Variants in NXPE2 observed in about 807,000 individuals in gnomAD.
The protein encoded by NXPE2 is neurexophilin and PC-esterase domain family member 2, also known as NXPE family member 2.
A neutral mutation model predicts 34.4 loss-of-function variants in NXPE2; 34 were observed. The observed-to-expected ratio is 0.99, with a 90% CI of 0.75 to 1.31. The LOEUF is 1.31. NXPE2 is among the 40% of genes most tolerant of loss of function. The pLI, the probability that NXPE2 is intolerant of heterozygous loss-of-function variation, is 0.00. For synonymous variants in NXPE2, 235 were observed against 231.3 expected (o/e 1.02, Z -0.15); for missense variants, 649 against 672.5 (o/e 0.97, Z 0.39).
the NXPE2 span, among the ~76,000 whole-genome samples, chr11:114,503,556 A>G: frequency 2.0e-4 from 31 of 152,284 alleles, no homozygotes; most frequent in South Asian, 2.1e-4. Context: ...AAAAAAAACC[A>G]TGAATAGAAG....
At chr11:114,727,784 C>A in the NXPE2 span, among the ~76,000 whole-genome samples, 5,516 of 72,060 alleles carry the variant, frequency 0.077, 325 homozygotes, top group African/African-American at 0.22. Context: ...AACACACACA[C>A]ACACACACAC....
At chr11:114,696,944 A>G (rs936009599) in intron 2 of NXPE2, among the ~76,000 whole-genome samples, 1 of 152,232 alleles carries the variant, frequency 6.6e-6, no homozygotes, top group Non-Finnish European at 1.5e-5. Flanking sequence ...AGTTTAATTT[A>G]TAAATTAGGC....
At chr11:114,625,938 A>T in the NXPE2 span, among the ~76,000 whole-genome samples, 4 of 151,908 alleles carry the variant, frequency 2.6e-5, no homozygotes, top group African/African-American at 9.7e-5. Context: ...AAATCAGGTC[A>T]CTCCCACCCG....
At chr11:114,669,032 G>C in the NXPE2 span, among the ~76,000 whole-genome samples, 1 of 152,040 alleles carries the variant, frequency 6.6e-6, no homozygotes, top group Non-Finnish European at 1.5e-5. Flanking sequence ...CTTGCTGAAA[G>C]TGGAAGAGAC....
the NXPE2 span, among the ~76,000 whole-genome samples, chr11:114,465,104 T>A: frequency 6.6e-6 from 1 of 152,190 alleles, no homozygotes. Context: ...TTCAACTACT[T>A]CGGAGACTCA....
At chr11:114,760,790 A>T in the NXPE2 span, among the ~76,000 whole-genome samples, 356 of 152,166 alleles carry the variant, frequency 2.3e-3, 2 homozygotes, top group African/African-American at 8.2e-3. Context: ...ATTAATAACA[A>T]CTCTTCCCTG....
chr11:114,488,749 G>T, the NXPE2 span, among the ~76,000 whole-genome samples: 1 of 152,128 alleles, frequency 6.6e-6, no homozygotes, highest in Admixed American at 6.5e-5. Flanking sequence ...GCCCACAAGA[G>T]AAAGCAGGAA....
chr11:114,553,721 T>C, the NXPE2 span: 1 of 985,276 alleles, frequency 1.0e-6, no homozygotes, highest in Non-Finnish European at 1.2e-6. Flanking sequence ...GCTCTGCATA[T>C]CCCAGTGTCT....
the NXPE2 span, among the ~76,000 whole-genome samples, chr11:114,631,518 T>A: frequency 1.2e-3 from 123 of 102,464 alleles, 1 homozygote; most frequent in Admixed American, 0.014. Flanking sequence ...CTCTGGGGAC[T>A]GTTGTGGGGT....
chr11:114,527,867 T>C, the NXPE2 span: 1 of 1,608,346 alleles, frequency 6.2e-7, no homozygotes, highest in East Asian at 2.2e-5. Context: ...TCAATGTGTT[T>C]ACGATCCTTC....
At chr11:114,704,094 C>T (rs1470750964) in intron 4 of NXPE2, 42 bp downstream of exon 4, 1 of 1,388,540 alleles carries the variant, frequency 7.2e-7, no homozygotes, top group Non-Finnish European at 1.0e-6. Flanking sequence ...CACAATTTAT[C>T]CACGGAAAGG....
At chr11:114,725,266 T>C in the NXPE2 span, among the ~76,000 whole-genome samples, 2 of 152,148 alleles carry the variant, frequency 1.3e-5, no homozygotes, top group East Asian at 1.9e-4. Context: ...TTAACAAGTG[T>C]GTTGTAAGTT....
the NXPE2 span, among the ~76,000 whole-genome samples, chr11:114,602,479 T>C: frequency 3.1e-4 from 42 of 136,334 alleles, no homozygotes; most frequent in Non-Finnish European, 5.2e-4. Context: ...TTATAGATTA[T>C]ATATAACATA....
At chr11:114,745,620 C>A in the NXPE2 span, among the ~76,000 whole-genome samples, 1 of 152,000 alleles carries the variant, frequency 6.6e-6, no homozygotes, top group African/African-American at 2.4e-5. Context: ...TCCAGGTAAG[C>A]TATGTTTCTT....
At chr11:114,659,523 A>C in the NXPE2 span, among the ~76,000 whole-genome samples, 1 of 151,660 alleles carries the variant, frequency 6.6e-6, no homozygotes, top group African/African-American at 2.4e-5. Flanking sequence ...TAACAAAAAA[A>C]GTTTGGAAAA....
At chr11:114,662,688 T>C in the NXPE2 span, among the ~76,000 whole-genome samples, 1 of 152,008 alleles carries the variant, frequency 6.6e-6, no homozygotes, top group Non-Finnish European at 1.5e-5. Context: ...GACTTTGTCT[T>C]CCATTTAGGA....
the NXPE2 span, among the ~76,000 whole-genome samples, chr11:114,513,656 G>A: frequency 6.6e-6 from 1 of 152,034 alleles, no homozygotes; most frequent in African/African-American, 2.4e-5. Context: ...TACTTTAACC[G>A]CTTATTCCAT....
the NXPE2 span, chr11:114,530,459 G>A: frequency 1.2e-6 from 2 of 1,614,214 alleles, no homozygotes; most frequent in Non-Finnish European, 1.7e-6. Flanking sequence ...CACTGGGGTG[G>A]ATGAGCAGCA....
the NXPE2 span, among the ~76,000 whole-genome samples, chr11:114,554,820 G>T: frequency 6.6e-6 from 1 of 152,204 alleles, no homozygotes; most frequent in East Asian, 1.9e-4. Flanking sequence ...GAAAATAAAG[G>T]TGTTATTTTT....
Sources: allele counts gnomAD v4.1 joint callset (sites outside exome capture counted in the v4.1 genomes callset), GRCh38; gene constraint gnomAD v4.1.1; transcripts MANE v1.5; gene names NCBI Gene and HGNC (gene_info 2026-07-23, HGNC 2026-07-21).